Variants in GABRE observed in about 807,000 individuals in gnomAD.
The protein encoded by GABRE is gamma-aminobutyric acid type A receptor subunit epsilon.
A neutral mutation model predicts 31.0 loss-of-function variants in GABRE; 20 were observed. The ratio of observed to expected loss-of-function variants is 0.64; its 90% CI spans 0.45 to 0.94. The LOEUF (loss-of-function observed/expected upper bound fraction) is 0.94, where lower values mean the gene tolerates loss of function less well. Ranked by LOEUF, GABRE falls within the 40% of genes least tolerant of loss-of-function variation. GABRE has a pLI of 0.00. For synonymous variants in GABRE, 155 were observed against 150.6 expected, an observed-to-expected ratio of 1.03 and a Z score of -0.21; for missense variants, 420 against 410.7, an observed-to-expected ratio of 1.02 and a Z score of -0.20.
chrX:151,962,615 T>TA lies in GABRE; in HGVS notation c.370_371insT (p.Gln124LeufsTer15), dbSNP rs1934418635. ...ACAGAGGCGTTCGTCGTACCAGGTC[T>TA]GGGAGAAGATGATGTCAATGGTGTA... On this transcript the variant is annotated frameshift_variant, in exon 4 of 9. Transcript: ENST00000370328. LOFTEE classifies it high-confidence loss of function. 2.0e-5 allele frequency: 24 copies of TA among 1,207,622 alleles called. No individual in the cohort carries two copies. The highest frequency in any genetic ancestry group is 2.6e-5 in the Non-Finnish European group (23 of 893,344).
chrX:151,959,108 G>A (rs776702509), intron 6 of GABRE: 1 of 325,168 alleles, frequency 3.1e-6, no homozygotes, highest in Non-Finnish European at 6.0e-6. Context: ...GTTGCTCTGG[G>A]AGCTACCCTG....
At position 151,972,163 on chromosome X, in the gene GABRE, A is replaced by AT. The variant is rs113693456; in HGVS notation, c.57-1762dup. On this transcript the variant is annotated intron_variant, in intron 1 of 8. Coordinates refer to ENST00000370328, the MANE Select transcript of GABRE (RefSeq NM_004961.4). ...ACTGCCAACTTAAGAAGCAAAATGC[A>AT]TTTTTTCTGCAGTATTTCAAGCTGT... 9.4e-4 allele frequency: 708 copies of AT among 751,340 alleles called. 1 individual carries two copies. The African/African-American group carries it at 0.014, about 15-fold the overall frequency. The allele number at this position is 751,340 out of a possible 1,213,427, so 61.9% of individuals were successfully genotyped here. A position where few individuals can be genotyped will look rare whatever the true frequency, so the allele number is the denominator to read the frequency against.
At chrX:151,958,033 T>C (rs1224841014) in intron 6 of GABRE, 2 of 120,716 alleles carry the variant, frequency 1.7e-5, no homozygotes, top group Non-Finnish European at 3.4e-5. Context: ...GCTGGACTAA[T>C]GTAACCTGGA....
At chrX:151,973,190 T>C (rs1195439440) in intron 1 of GABRE, among the ~76,000 whole-genome samples, 9 of 110,658 alleles carry the variant, frequency 8.1e-5, no homozygotes, top group Admixed American at 2.9e-4. Flanking sequence ...GTACACCCCA[T>C]TGTCACCTCC....
chrX:151,955,199 C>A (rs1934113992), intron 8 of GABRE, 115 bp from the exon 9 acceptor site: 4 of 1,172,219 alleles, frequency 3.4e-6, no homozygotes, highest in East Asian at 6.4e-5. Flanking sequence ...TGGCTTCTCT[C>A]CTCCAACTTC....
Position 151,974,507 on chromosome X carries a change from C to A in GABRE, c.56+63G>T, listed in dbSNP as rs900977122. 8 of 778,547 alleles carry A rather than the reference C, an allele frequency of 1.0e-5. No individual in the cohort carries two copies. The African/African-American group carries it at 1.3e-4, about 13-fold the overall frequency. 64.2% of individuals were successfully genotyped at this position (778,547 alleles called of 1,213,427 possible). A position where few individuals can be genotyped will look rare whatever the true frequency, so the allele number is the denominator to read the frequency against. ...GGGCCGCTGGGGTCCCGGGAGCCGT[C>A]CCGGCTCCCGGGGAGAGGGAGCTGG... On this transcript the variant is annotated intron_variant, in intron 1 of 8. Transcript: ENST00000370328.
intron 3 of GABRE, among the ~76,000 whole-genome samples, chrX:151,966,024 G>A (rs945158706): frequency 8.9e-6 from 1 of 112,448 alleles, no homozygotes; most frequent in Non-Finnish European, 1.9e-5. Flanking sequence ...CCCAGGCCTC[G>A]TGAACTGCTT....
intron 1 of GABRE, chrX:151,971,335 G>T: frequency 3.3e-6 from 1 of 306,810 alleles, no homozygotes; most frequent in South Asian, 3.0e-5. Flanking sequence ...CATAAAAAGT[G>T]TTTTTAAAAA....
intron 3 of GABRE, among the ~76,000 whole-genome samples, chrX:151,964,718 G>A (rs966752048): frequency 7.2e-5 from 8 of 111,563 alleles, no homozygotes; most frequent in Admixed American, 2.8e-4. Flanking sequence ...CTTTTATTTG[G>A]GGAGCACCAG....
intron 1 of GABRE, chrX:151,972,125 T>C (rs1934724533): frequency 1.3e-6 from 1 of 750,451 alleles, no homozygotes; most frequent in Non-Finnish European, 1.6e-6. Flanking sequence ...ACCCCTGTAT[T>C]GCGGACCAAG....
chrX:151,967,638 A>G (rs1288361970), intron 3 of GABRE, among the ~76,000 whole-genome samples: 1 of 112,859 alleles, frequency 8.9e-6, no homozygotes, highest in Non-Finnish European at 1.9e-5. Flanking sequence ...AAATTGCAAG[A>G]CTAAAAGGAG....
intron 1 of GABRE, among the ~76,000 whole-genome samples, chrX:151,973,639 C>G (rs914728254): frequency 9.0e-6 from 1 of 111,417 alleles, no homozygotes; most frequent in Admixed American, 9.5e-5. Context: ...TGACACTTCA[C>G]ACACAGCAGG....
intron 4 of GABRE, among the ~76,000 whole-genome samples, chrX:151,961,696 G>A (rs951156116): frequency 9.0e-6 from 1 of 111,484 alleles, no homozygotes; most frequent in African/African-American, 3.3e-5. Flanking sequence ...CTGACCTCAA[G>A]TGATCTGCCT....
chrX:151,959,102 C>T, intron 6 of GABRE: 1 of 326,589 alleles, frequency 3.1e-6, no homozygotes, highest in Non-Finnish European at 6.0e-6. Context: ...TCCAGGGTTG[C>T]TCTGGGAGCT....
At chrX:151,970,799 G>T (rs1037116813) in intron 1 of GABRE, among the ~76,000 whole-genome samples, 1 of 112,560 alleles carries the variant, frequency 8.9e-6, no homozygotes, top group Non-Finnish European at 1.9e-5. Context: ...GAGGGCCAGG[G>T]CTGAGAGGAA....
intron 3 of GABRE, among the ~76,000 whole-genome samples, chrX:151,969,009 A>G (rs544328578): frequency 2.3e-4 from 26 of 112,602 alleles, no homozygotes; most frequent in African/African-American, 8.1e-4. Flanking sequence ...AAGAAAGTGG[A>G]ACAATGGCAT....
chrX:151,954,531 G>A lies in GABRE; in HGVS notation c.*170C>T. The A allele has an allele frequency of 2.3e-6, 1 of 437,402 alleles. No individual in the cohort carries two copies. Among genetic ancestry groups the A allele is most frequent in the Non-Finnish European group, 4.0e-6 (1 of 249,495 alleles). 36.0% of individuals were successfully genotyped at this position (437,402 alleles called of 1,213,427 possible). ...AAGACTCAGTGAATGGGCCAGGTAG[G>A]GGAGAGGGGCAGCAAAGACAAACCC... On this transcript the variant is annotated 3_prime_UTR_variant, in exon 9 of 9. Transcript: ENST00000370328.
At chrX:151,973,503 T>A (rs2266858) in intron 1 of GABRE, among the ~76,000 whole-genome samples, 46,422 of 109,868 alleles carry the variant, frequency 0.42, 7,201 homozygotes, top group Admixed American at 0.55. Context: ...CCTTCTCTGA[T>A]GAGCTAACGC....
intron 1 of GABRE, among the ~76,000 whole-genome samples, chrX:151,972,968 C>T (rs1934759263): frequency 9.0e-6 from 1 of 110,755 alleles, no homozygotes; most frequent in Non-Finnish European, 1.9e-5. Context: ...ACTACCCCCT[C>T]CCAAACAGTC....
Sources: gnomAD v4.1 joint callset for allele counts (sites outside exome capture counted in the v4.1 genomes callset) on GRCh38, gnomAD v4.1.1 for gene constraint, MANE v1.5 for transcripts, NCBI Gene and HGNC (gene_info 2026-07-23, HGNC 2026-07-21) for gene names.